Variants in XPO6 observed in about 807,000 individuals in gnomAD.
XPO6 encodes the protein exportin-6.
In XPO6, 3 loss-of-function variants were observed where a neutral mutation model predicts 130.0. The observed-to-expected ratio is 0.02, with a 90% CI of 0.01 to 0.06. XPO6 has a LOEUF of 0.06. Among genes scored for constraint, XPO6 ranks in the 10% least tolerant of loss-of-function variants. XPO6 has a pLI of 1.00. For synonymous variants in XPO6, 524 were observed against 548.9 expected (o/e 0.95, Z 0.63); for missense variants, 970 against 1,393.0 (o/e 0.70, Z 4.83).
chr16:28,174,995 TAGTTATTACAAAGA>T (rs1207404765), intron 4 of XPO6, among the ~76,000 whole-genome samples: 6 of 152,208 alleles, frequency 3.9e-5, no homozygotes, highest in African/African-American at 1.4e-4. Flanking sequence ...AATGTCTCAT[TAGTTATTACAAAGA>T]AGGAACACAC....
At position 28,206,137 on chromosome 16, in the gene XPO6, A is replaced by AAT. The variant is rs917789465; in HGVS notation, c.3+5227_3+5228dup. 1.2e-4 allele frequency among the ~76,000 whole-genome samples: 16 copies of AAT among 137,066 alleles called. No homozygotes were observed. In the Middle Eastern group the frequency reaches 0.011, roughly 92 times the overall value. 89.9% of individuals were successfully genotyped at this position (137,066 alleles called of 152,430 possible). Reference sequence around the variant, plus strand: ...GTAAGATGCCTGGCATATAGAAAGCAATACACACACACACACACACACACA... The same window carrying AAT: ...GTAAGATGCCTGGCATATAGAAAGCAATATACACACACACACACACACACACA... On this transcript the variant is annotated intron_variant, in intron 1 of 23. Coordinates refer to ENST00000304658, the MANE Select transcript of XPO6 (RefSeq NM_015171.4).
chr16:28,208,942 T>A (rs930354342), intron 1 of XPO6: 2 of 152,160 alleles, frequency 1.3e-5, no homozygotes, highest in African/African-American at 4.8e-5. Flanking sequence ...AACCCAGGTA[T>A]CCACCGAAGG....
At chr16:28,207,119 G>A (rs1225222222) in intron 1 of XPO6, among the ~76,000 whole-genome samples, 1 of 151,958 alleles carries the variant, frequency 6.6e-6, no homozygotes, top group Non-Finnish European at 1.5e-5. Context: ...ATGGTGGTGG[G>A]TGCCTGTAAT....
intron 6 of XPO6, among the ~76,000 whole-genome samples, chr16:28,156,883 A>C (rs1350918653): frequency 2.6e-5 from 4 of 152,084 alleles, no homozygotes; most frequent in Non-Finnish European, 5.9e-5. Flanking sequence ...CCCCAAATCC[A>C]CTCAAGTTTT....
chr16:28,155,995 C>T (rs1013758937), intron 7 of XPO6, 79 bp downstream of exon 7: 12 of 1,514,374 alleles, frequency 7.9e-6, no homozygotes, highest in Non-Finnish European at 1.1e-5. Context: ...AAGAGGATTA[C>T]AGATGCCATG....
At chr16:28,153,565 G>A in intron 7 of XPO6, 1 of 985,354 alleles carries the variant, frequency 1.0e-6, no homozygotes, top group South Asian at 4.7e-5. Context: ...AAGAGTATGG[G>A]TCACAGCTGC....
At position 28,169,929 on chromosome 16, in the gene XPO6, T is replaced by C; in HGVS notation, c.406-20A>G. On this transcript the variant is annotated intron_variant, in intron 4 of 23. Coordinates refer to ENST00000304658, the MANE Select transcript of XPO6 (RefSeq NM_015171.4). ...GATCAACTGCCAGGAAAAAGCATGT[T>C]CTGAGCAGAGTGTTGGACTAATAAA... 2.5e-6 allele frequency: 4 copies of C among 1,613,548 alleles called. No individual in the cohort carries two copies. The highest frequency in any genetic ancestry group is 3.4e-6 in the Non-Finnish European group (4 of 1,179,606).
intron 9 of XPO6, among the ~76,000 whole-genome samples, chr16:28,143,900 G>A (rs545524911): frequency 2.4e-4 from 37 of 152,278 alleles, no homozygotes; most frequent in Middle Eastern, 3.4e-3. Context: ...CTCCTAAAGC[G>A]CTGGGATTAC....
chr16:28,199,721 C>A (rs116739731), intron 1 of XPO6, among the ~76,000 whole-genome samples: 1 of 152,086 alleles, frequency 6.6e-6, no homozygotes, highest in East Asian at 2.0e-4. Context: ...CACCCACCAC[C>A]ACACCTGGCT....
intron 9 of XPO6, among the ~76,000 whole-genome samples, chr16:28,141,254 CAA>C (rs1467721353): frequency 6.6e-6 from 1 of 152,204 alleles, no homozygotes; most frequent in African/African-American, 2.4e-5. Flanking sequence ...AGTCTAGTCA[CAA>C]AGAGGCTCAC....
chr16:28,176,791 G>A (rs1320935205), intron 3 of XPO6, among the ~76,000 whole-genome samples: 1 of 151,908 alleles, frequency 6.6e-6, no homozygotes, highest in East Asian at 1.9e-4. Flanking sequence ...TTACAGGCAT[G>A]AGCCACTGCG....
At chr16:28,102,966 A>G (rs979228954) in intron 21 of XPO6, among the ~76,000 whole-genome samples, 1 of 152,168 alleles carries the variant, frequency 6.6e-6, no homozygotes, top group Non-Finnish European at 1.5e-5. Flanking sequence ...TCCCTGCAGC[A>G]GGGATGAGAT....
intron 7 of XPO6, chr16:28,155,782 A>C: frequency 2.1e-6 from 1 of 479,048 alleles, no homozygotes; most frequent in East Asian, 6.0e-5. Context: ...CTGCAAGCAA[A>C]TAGTAAGGAA....
intron 4 of XPO6, among the ~76,000 whole-genome samples, chr16:28,173,506 G>C (rs550618624): frequency 6.6e-5 from 10 of 152,300 alleles, no homozygotes; most frequent in African/African-American, 2.2e-4. Context: ...ACTTTGAGAG[G>C]CCATGGCAGG....
intron 1 of XPO6, among the ~76,000 whole-genome samples, chr16:28,195,335 AG>A (rs2043841637): frequency 6.6e-6 from 1 of 152,216 alleles, no homozygotes; most frequent in African/African-American, 2.4e-5. Context: ...TGGTTAAATA[AG>A]GTACATCCAC....
rs1181081139 is a variant in XPO6, at chr16:28,135,256, G to A, written c.1403C>T (p.Ala468Val). 2 of 1,613,830 alleles carry A rather than the reference G, an allele frequency of 1.2e-6. No individual in the cohort carries two copies. The highest frequency in any genetic ancestry group is 1.7e-6 in the Non-Finnish European group (2 of 1,179,916). ...LNRIQFRYNQ[A>V]QLEELDDETL... ...CTCATCATCCAACTCCTCCAGCTGG[G>A]CTTGGTTGTATCTGAACTGGATTCG... The change falls in exon 10 of 24, where the codon GCC becomes GTC. Residue 468 changes from alanine to valine, a missense_variant. Ala to Val is a moderately conservative substitution (Grantham distance 64). Coordinates refer to ENST00000304658, the MANE Select transcript of XPO6 (RefSeq NM_015171.4).
At chr16:28,173,573 T>A (rs2043489787) in intron 4 of XPO6, among the ~76,000 whole-genome samples, 1 of 152,094 alleles carries the variant, frequency 6.6e-6, no homozygotes. Flanking sequence ...TGAGACTCTA[T>A]CTCTATTTAT....
Position 28,164,750 on chromosome 16 carries a change from C to A in XPO6, c.643+1758G>T, listed in dbSNP as rs182008160. Among the ~76,000 whole-genome samples, 3 of 152,292 alleles carry A rather than the reference C, an allele frequency of 2.0e-5. No homozygotes were observed. In the East Asian group the frequency reaches 5.8e-4, roughly 29 times the overall value. On this transcript the variant is annotated intron_variant, in intron 6 of 23. Coordinates refer to ENST00000304658, the MANE Select transcript of XPO6 (RefSeq NM_015171.4). ...TCTGGTTTGTATTATCTGACATTCC[C>A]CAACATGGCCCTGAGGAAAACAGAG...
intron 12 of XPO6, among the ~76,000 whole-genome samples, chr16:28,126,321 C>G (rs1218015663): frequency 6.6e-6 from 1 of 152,140 alleles, no homozygotes; most frequent in Admixed American, 6.5e-5. Context: ...TTTCCATGGA[C>G]CAACAGTTAG....
Sources: allele counts gnomAD v4.1 joint callset (sites outside exome capture counted in the v4.1 genomes callset), GRCh38; gene constraint gnomAD v4.1.1; transcripts MANE v1.5; gene names NCBI Gene and HGNC (gene_info 2026-07-23, HGNC 2026-07-21).